MRTFA: variants seen among roughly 807,000 people sequenced by gnomAD.
MRTFA encodes the protein myocardin related transcription factor A.
In MRTFA, 20 loss-of-function variants were observed where a neutral mutation model predicts 83.5. The observed-to-expected ratio is 0.24, with a 90% CI of 0.17 to 0.35. MRTFA has a LOEUF of 0.35. Among genes scored for constraint, MRTFA ranks in the 10% least tolerant of loss-of-function variants. The pLI is 1.00. For missense variants in MRTFA, 1,200 were observed against 1,224.7 expected, an observed-to-expected ratio of 0.98 and a Z score of 0.30; for synonymous variants, 659 against 541.2, an observed-to-expected ratio of 1.22 and a Z score of -3.02.
intron 3 of MRTFA, among the ~76,000 whole-genome samples, chr22:40,500,670 AGTG>A (rs1056723740): frequency 6.5e-4 from 98 of 151,412 alleles, no homozygotes; most frequent in South Asian, 1.3e-3. Context: ...TTTAACCCTG[AGTG>A]GACACAGCAC....
intron 3 of MRTFA, among the ~76,000 whole-genome samples, chr22:40,521,250 A>G (rs545141308): frequency 1.3e-5 from 2 of 152,262 alleles, no homozygotes; most frequent in South Asian, 4.1e-4. Flanking sequence ...TTATAGCCAC[A>G]TCTACTTTCA....
At chr22:40,538,990 GTT>G (rs1329210578) in intron 3 of MRTFA, among the ~76,000 whole-genome samples, 92 of 119,340 alleles carry the variant, frequency 7.7e-4, no homozygotes, top group Middle Eastern at 6.2e-3. Flanking sequence ...ACAGCCTTTT[GTT>G]TTTTTTTTTT....
At chr22:40,519,517 C>T in intron 3 of MRTFA, 1 of 1,349,962 alleles carries the variant, frequency 7.4e-7, no homozygotes, top group Non-Finnish European at 9.8e-7. Context: ...GTCATTTTAA[C>T]TCCAACCTCC....
chr22:40,444,482 A>G (rs2053338377), intron 4 of MRTFA, among the ~76,000 whole-genome samples: 1 of 152,232 alleles, frequency 6.6e-6, no homozygotes, highest in African/African-American at 2.4e-5. Context: ...AGATAACTGG[A>G]AAAAAATTTA....
intron 3 of MRTFA, among the ~76,000 whole-genome samples, chr22:40,482,923 G>A (rs1345009664): frequency 6.6e-6 from 1 of 152,036 alleles, no homozygotes; most frequent in Non-Finnish European, 1.5e-5. Context: ...TTGAGAGCTG[G>A]AGTTGGAGAC....
At chr22:40,531,482 C>T (rs772283967) in intron 3 of MRTFA, among the ~76,000 whole-genome samples, 4 of 151,932 alleles carry the variant, frequency 2.6e-5, no homozygotes, top group Non-Finnish European at 4.4e-5. Flanking sequence ...ATAAAACATA[C>T]CCTGGAACTT....
intron 3 of MRTFA, among the ~76,000 whole-genome samples, chr22:40,527,296 A>G (rs1477182955): frequency 1.3e-5 from 2 of 152,036 alleles, no homozygotes; most frequent in East Asian, 3.9e-4. Context: ...CGACTTTGCC[A>G]TGAGATTAAT....
intron 7 of MRTFA, among the ~76,000 whole-genome samples, chr22:40,427,294 A>G (rs755081397): frequency 3.9e-5 from 6 of 152,180 alleles, no homozygotes; most frequent in Non-Finnish European, 5.9e-5. Flanking sequence ...GAGCTACTGT[A>G]TCAACATGGG....
intron 7 of MRTFA, 189 bp downstream of exon 7, chr22:40,429,417 G>T (rs1426603248): frequency 1.4e-6 from 1 of 722,550 alleles, no homozygotes; most frequent in South Asian, 1.5e-5. Context: ...TAAAGCAACA[G>T]GCACTATCCC....
chr22:40,634,729 T>C lies in MRTFA; in HGVS notation c.-84+1749A>G, dbSNP rs543357891. Among the ~76,000 whole-genome samples the C allele has an allele frequency of 9.2e-5, 14 of 152,332 alleles. No homozygotes were observed. The South Asian group carries it at 2.7e-3, about 29-fold the overall frequency. On this transcript the variant is annotated intron_variant, in intron 1 of 14. Transcript: ENST00000355630. ...TGAATAAATGAAGTCATCCCTTAAG[T>C]AGTACTTGTAATTACTAACGGGTGA...
At chr22:40,509,505 TG>T (rs1460365121) in intron 3 of MRTFA, among the ~76,000 whole-genome samples, 1 of 152,212 alleles carries the variant, frequency 6.6e-6, no homozygotes, top group African/African-American at 2.4e-5. Context: ...TTTCCCTAAG[TG>T]AGAGTTTCTA....
intron 3 of MRTFA, 122 bp downstream of exon 3, chr22:40,551,984 C>T (rs1481011246): frequency 2.1e-5 from 8 of 387,812 alleles, no homozygotes; most frequent in Non-Finnish European, 3.6e-5. Context: ...ATCTATTTTA[C>T]AAGAAATGTT....
chr22:40,461,018 G>C (rs946538508), intron 4 of MRTFA, among the ~76,000 whole-genome samples: 1 of 151,638 alleles, frequency 6.6e-6, no homozygotes, highest in Non-Finnish European at 1.5e-5. Context: ...GAGCAACATA[G>C]GTAGACTCCA....
intron 3 of MRTFA, among the ~76,000 whole-genome samples, chr22:40,540,796 A>AG (rs1556000907): frequency 6.7e-6 from 1 of 148,792 alleles, no homozygotes; most frequent in Non-Finnish European, 1.5e-5. Flanking sequence ...AAAAAAAAAA[A>AG]CCAAAAACAT....
chr22:40,424,147 T>C (rs5757949), intron 8 of MRTFA, 59 bp downstream of exon 8: 421,851 of 1,486,938 alleles, frequency 0.28, 63,515 homozygotes, highest in East Asian at 0.34. Flanking sequence ...GAGAGAGACC[T>C]TACTCTGCGC....
rs1422208823 is a variant in MRTFA at position 40,411,827 on chromosome 22, G to A, written c.2659C>T (p.Leu887=). ...GCAGAAGGTGATGGCTGTGCTGCCA[G>A]GGGGGACCCACAGACTGTCTTCGGG... is the stretch of plus-strand genomic sequence containing the variant. Residue 887 remains leucine (L), a synonymous_variant, in exon 15 of 15, where the codon CTG becomes TTG. Coordinates refer to ENST00000355630, the MANE Select transcript of MRTFA (RefSeq NM_020831.6). 1.7e-5 allele frequency: 25 copies of A among 1,512,486 alleles called. No homozygotes were observed. Among genetic ancestry groups the A allele is most frequent in the Non-Finnish European group, 2.1e-5 (24 of 1,127,442 alleles). The allele number at this position is 1,512,486 out of a possible 1,614,324, so 93.7% of individuals were successfully genotyped here. A position where few individuals can be genotyped will look rare whatever the true frequency, so the allele number is the denominator to read the frequency against.
At chr22:40,553,781 G>C (rs962798906) in intron 2 of MRTFA, among the ~76,000 whole-genome samples, 4 of 152,160 alleles carry the variant, frequency 2.6e-5, no homozygotes, top group African/African-American at 9.7e-5. Context: ...CCATCCTCCA[G>C]ACCCCAGAAT....
chr22:40,527,273 T>C (rs1159614486), intron 3 of MRTFA, among the ~76,000 whole-genome samples: 1 of 152,056 alleles, frequency 6.6e-6, no homozygotes, highest in East Asian at 1.9e-4. Flanking sequence ...ACTGCCACCA[T>C]CAGCCATTTA....
At chr22:40,458,235 C>T (rs1473471083) in intron 4 of MRTFA, among the ~76,000 whole-genome samples, 1 of 152,188 alleles carries the variant, frequency 6.6e-6, no homozygotes, top group African/African-American at 2.4e-5. Context: ...CTATCTGGCA[C>T]TCTGTATTTG....
Sources: allele counts gnomAD v4.1 joint callset (sites outside exome capture counted in the v4.1 genomes callset), GRCh38; gene constraint gnomAD v4.1.1; transcripts MANE v1.5; gene names NCBI Gene and HGNC (gene_info 2026-07-23, HGNC 2026-07-21).